The following DAB1 variants were observed in gnomAD, a reference collection of about 807,000 sequenced individuals.
The protein encoded by DAB1 is disabled homolog 1.
DAB1 carries 15 observed loss-of-function variants against 64.6 expected under a neutral mutation model. That is an observed-to-expected ratio of 0.23 (90% CI 0.16 to 0.36). The LOEUF is 0.36. Ranked by LOEUF, DAB1 falls within the 10% of genes least tolerant of loss-of-function variation. The probability of loss-of-function intolerance (pLI) is 1.00; values close to 1 mark genes in which losing one functional copy is unlikely to be tolerated. For missense variants in DAB1, 596 were observed against 706.7 expected (o/e 0.84, Z 1.78); for synonymous variants, 235 against 251.9 (o/e 0.93, Z 0.64).
At chr1:57,570,671 C>A (rs1240217400) in intron 7 of DAB1, among the ~76,000 whole-genome samples, 6 of 151,798 alleles carry the variant, frequency 4.0e-5, no homozygotes, top group Non-Finnish European at 8.8e-5. Context: ...TTTTTTAATT[C>A]CATATGAATT....
chr1:57,111,721 T>C (rs1393931597), intron 4 of DAB1, among the ~76,000 whole-genome samples: 1 of 152,222 alleles, frequency 6.6e-6, no homozygotes, highest in African/African-American at 2.4e-5. Flanking sequence ...TTTATTTACA[T>C]GGTTATTGCC....
rs1282334872 is a variant in DAB1 at position 58,278,244 on chromosome 1, A to AC, written n.309+65107_309+65108insG. On this transcript the variant is annotated intron_variant and non_coding_transcript_variant, in intron 4 of 20. Transcript: ENST00000485760. ...GTTTGACAGTTTCTCCTACACACGC[A>AC]TACTGTCTCTCGCCTGCTGCCATGT... Among the ~76,000 whole-genome samples, 151 of 23,390 alleles carry AC rather than the reference A, an allele frequency of 6.5e-3. 29 individuals carry two copies. Among genetic ancestry groups the AC allele is most frequent in the East Asian group, 0.013 (7 of 522 alleles). 15.3% of individuals were successfully genotyped at this position (23,390 alleles called of 152,430 possible). A position where few individuals can be genotyped will look rare whatever the true frequency, so the allele number is the denominator to read the frequency against.
intron 4 of DAB1, among the ~76,000 whole-genome samples, chr1:57,077,140 G>T (rs529561794): frequency 7.2e-5 from 11 of 152,172 alleles, no homozygotes; most frequent in Non-Finnish European, 1.2e-4. Context: ...GAGGCTCCAA[G>T]GATAGATGGG....
At chr1:57,656,148 A>G (rs1008934911) in intron 6 of DAB1, among the ~76,000 whole-genome samples, 5 of 152,134 alleles carry the variant, frequency 3.3e-5, no homozygotes, top group African/African-American at 1.2e-4. Context: ...GCTGTCGGAA[A>G]CCCAGAAGTG....
intron 5 of DAB1, chr1:58,080,226 G>A (rs1190618926): frequency 3.3e-5 from 5 of 152,168 alleles, no homozygotes; most frequent in African/African-American, 4.8e-5. Context: ...TGACATCTTC[G>A]AGCTGAAGGA....
intron 2 of DAB1, among the ~76,000 whole-genome samples, chr1:57,264,289 C>CA (rs924176928): frequency 1.3e-5 from 2 of 152,140 alleles, no homozygotes; most frequent in African/African-American, 4.8e-5. Context: ...ACAAAACACA[C>CA]AAAAAAATTT....
At chr1:58,492,750 G>A (rs1311488788) in intron 3 of DAB1, among the ~76,000 whole-genome samples, 1 of 152,050 alleles carries the variant, frequency 6.6e-6, no homozygotes, top group Non-Finnish European at 1.5e-5. Context: ...CCAATAACAG[G>A]ATCTGAAATT....
At chr1:57,649,594 T>G (rs560141679) in exon 7 of DAB1, 1 of 152,288 alleles carries the variant, frequency 6.6e-6, no homozygotes, top group East Asian at 1.9e-4. Context: ...ATATTTACCT[T>G]TGTGTTGTAC....
At chr1:58,005,085 AC>A (rs1355450942) in intron 5 of DAB1, among the ~76,000 whole-genome samples, 2 of 152,126 alleles carry the variant, frequency 1.3e-5, no homozygotes, top group African/African-American at 4.8e-5. Context: ...TTTATTGATA[AC>A]TTCACTGTAG....
intron 2 of DAB1, among the ~76,000 whole-genome samples, chr1:57,194,233 C>T (rs1480978672): frequency 6.6e-6 from 1 of 152,084 alleles, no homozygotes; most frequent in Non-Finnish European, 1.5e-5. Context: ...TTTCTTTTAT[C>T]TTCCCTTTGC....
chr1:57,363,575 G>C (rs897002546), intron 1 of DAB1, among the ~76,000 whole-genome samples: 5 of 152,170 alleles, frequency 3.3e-5, no homozygotes, highest in Non-Finnish European at 5.9e-5. Context: ...AACTAAATGA[G>C]ATGATATATG....
chr1:58,511,899 C>A (rs1393334500), intron 2 of DAB1, among the ~76,000 whole-genome samples: 2 of 151,982 alleles, frequency 1.3e-5, no homozygotes, highest in Non-Finnish European at 2.9e-5. Flanking sequence ...GCACGGGAAA[C>A]AAAAGGCAAA....
intron 4 of DAB1, among the ~76,000 whole-genome samples, chr1:58,191,656 C>T (rs915944923): frequency 6.6e-6 from 1 of 152,162 alleles, no homozygotes; most frequent in Admixed American, 6.5e-5. Flanking sequence ...AAAGTTTCCC[C>T]TTTGAACCAC....
At chr1:57,787,215 T>G (rs765005373) in intron 6 of DAB1, among the ~76,000 whole-genome samples, 42 of 152,294 alleles carry the variant, frequency 2.8e-4, no homozygotes, top group Non-Finnish European at 5.1e-4. Flanking sequence ...AAATCAATGT[T>G]GAAACAGAAG....
chr1:58,473,341 G>A (rs1248072290), intron 3 of DAB1, among the ~76,000 whole-genome samples: 2 of 151,876 alleles, frequency 1.3e-5, no homozygotes, highest in African/African-American at 4.8e-5. Flanking sequence ...AGGAGATCGA[G>A]ACCATCCTGG....
chr1:58,484,252 T>C (rs1645537147), intron 3 of DAB1, among the ~76,000 whole-genome samples: 1 of 152,236 alleles, frequency 6.6e-6, no homozygotes, highest in African/African-American at 2.4e-5. Flanking sequence ...TTGGCTTTTA[T>C]AAATTACCCT....
chr1:57,512,701 GTTC>G (rs1307685611), intron 7 of DAB1, among the ~76,000 whole-genome samples: 44 of 152,220 alleles, frequency 2.9e-4, no homozygotes, highest in Non-Finnish European at 5.9e-5. Context: ...AGCTCAAGTT[GTTC>G]TTCATTTGGC....
chr1:58,312,328 G>T (rs1413248499), intron 4 of DAB1, among the ~76,000 whole-genome samples: 3 of 152,218 alleles, frequency 2.0e-5, no homozygotes, highest in African/African-American at 7.2e-5. Flanking sequence ...TAAAGGATAT[G>T]TCAGAACAAT....
At chr1:57,909,204 G>A (rs1436290049) in intron 5 of DAB1, among the ~76,000 whole-genome samples, 1 of 152,122 alleles carries the variant, frequency 6.6e-6, no homozygotes, top group African/African-American at 2.4e-5. Context: ...CCAGTGTGTT[G>A]TATGAACATG....
Sources: gnomAD v4.1 joint callset for allele counts (sites outside exome capture counted in the v4.1 genomes callset) on GRCh38, gnomAD v4.1.1 for gene constraint, MANE v1.5 for transcripts, NCBI Gene and HGNC (gene_info 2026-07-23, HGNC 2026-07-21) for gene names.